HDAC9: variants seen among roughly 807,000 people sequenced by gnomAD.
HDAC9 encodes the protein histone deacetylase 9, also known as MEF-2 interacting transcription repressor (MITR) protein.
In HDAC9, 41 loss-of-function variants were observed where a neutral mutation model predicts 139.4. The ratio of observed to expected loss-of-function variants is 0.29; its 90% CI spans 0.23 to 0.38. HDAC9 has a LOEUF of 0.38. HDAC9 is among the 10% of genes least tolerant of loss of function. The pLI, the probability that HDAC9 is intolerant of heterozygous loss-of-function variation, is 1.00. For missense variants in HDAC9, 1,147 were observed against 1,297.0 expected (o/e 0.88, Z 1.78); for synonymous variants, 517 against 476.2 (o/e 1.09, Z -1.12).
chr7:18,893,819 A>T lies in HDAC9; in HGVS notation c.2803+19223A>T, dbSNP rs185656790. Among the ~76,000 whole-genome samples, 169 of 152,304 alleles carry T rather than the reference A, an allele frequency of 1.1e-3. 1 individual carries two copies. In the Middle Eastern group the frequency reaches 0.014, roughly 12 times the overall value. On this transcript the variant is annotated intron_variant, in intron 22 of 25. Coordinates refer to ENST00000686413, the MANE Select transcript of HDAC9 (RefSeq NM_178425.4). The stretch of plus-strand genomic sequence containing the variant: ...AGGGTGATCAGAAATGGCCTCACTT[A>T]TAAATGATGTTTGCCTGAAGAGCTG...
chr7:18,259,071 G>T (rs1022228520), intron 2 of HDAC9, among the ~76,000 whole-genome samples: 1 of 144,320 alleles, frequency 6.9e-6, no homozygotes, highest in African/African-American at 2.5e-5. Context: ...CTGGGTTCAA[G>T]CACTTCTCCT....
intron 25 of HDAC9, among the ~76,000 whole-genome samples, chr7:18,993,235 TC>T (rs138939235): frequency 0.029 from 4,395 of 149,928 alleles, 223 homozygotes; most frequent in African/African-American, 0.1. Context: ...ATATAAATAA[TC>T]CAGTTATTTT....
In HDAC9 at chr7:18,835,484, C is replaced by T. The variant is rs374625281; in HGVS notation, c.2484C>T (p.Asn828=). 8.7e-6 allele frequency: 14 copies of T among 1,613,200 alleles called. No homozygotes were observed. Among genetic ancestry groups the T allele is most frequent in the East Asian group, 2.2e-5 (1 of 44,850 alleles). Residue 828 remains asparagine (N), a synonymous_variant, in exon 20 of 26, where the codon AAC becomes AAT. Coordinates refer to ENST00000686413, the MANE Select transcript of HDAC9 (RefSeq NM_178425.4). The part of the protein sequence containing the change: ...LIVDLDVHHG[N]GTQQAFYADP... ...CCCTGTAGGATGTTCACCATGGAAA[C>T]GGTACCCAGCAGGCCTTTTATGCTG...
intron 1 of HDAC9, among the ~76,000 whole-genome samples, chr7:18,310,317 T>C (rs1227112813): frequency 6.6e-6 from 1 of 152,200 alleles, no homozygotes; most frequent in African/African-American, 2.4e-5. Flanking sequence ...GGGATAGATA[T>C]TTCTTTGGAG....
chr7:18,616,532 G>A (rs1305462015), intron 6 of HDAC9, among the ~76,000 whole-genome samples: 1 of 152,104 alleles, frequency 6.6e-6, no homozygotes, highest in African/African-American at 2.4e-5. Flanking sequence ...AGGTAATAGT[G>A]TTTCCTTATA....
intron 1 of HDAC9, among the ~76,000 whole-genome samples, chr7:18,128,520 T>C (rs1388400537): frequency 6.6e-6 from 1 of 152,046 alleles, no homozygotes; most frequent in Non-Finnish European, 1.5e-5. Flanking sequence ...CACATGAACC[T>C]TTCTCAGAAC....
intron 2 of HDAC9, among the ~76,000 whole-genome samples, chr7:18,529,898 C>T (rs1249953815): frequency 6.6e-6 from 1 of 152,002 alleles, no homozygotes; most frequent in Non-Finnish European, 1.5e-5. Context: ...TCTGCTTGTC[C>T]CATTACTTAT....
intron 1 of HDAC9, among the ~76,000 whole-genome samples, chr7:18,323,543 T>C (rs909724974): frequency 1.3e-5 from 2 of 152,108 alleles, no homozygotes; most frequent in Non-Finnish European, 2.9e-5. Flanking sequence ...TTTATAGACA[T>C]GCTGATGTCT....
chr7:18,904,067 C>T (rs943991550), intron 22 of HDAC9, among the ~76,000 whole-genome samples: 1 of 152,132 alleles, frequency 6.6e-6, no homozygotes, highest in Non-Finnish European at 1.5e-5. Flanking sequence ...CTGTCCTTCC[C>T]CAAACACCCA....
At chr7:18,705,941 T>C (rs1783874941) in intron 12 of HDAC9, among the ~76,000 whole-genome samples, 1 of 148,088 alleles carries the variant, frequency 6.8e-6, no homozygotes, top group Non-Finnish European at 1.5e-5. Flanking sequence ...AACAAGAACA[T>C]ATATTCAGGA....
chr7:18,316,290 C>T (rs1304099921), intron 1 of HDAC9, among the ~76,000 whole-genome samples: 1 of 152,080 alleles, frequency 6.6e-6, no homozygotes, highest in African/African-American at 2.4e-5. Context: ...TTAATAGGAG[C>T]TGTTAAAGTT....
At chr7:18,836,130 T>A in intron 21 of HDAC9, 133 bp downstream of exon 21, 1 of 554,088 alleles carries the variant, frequency 1.8e-6, no homozygotes, top group Non-Finnish European at 3.1e-6. Flanking sequence ...AGAATATGTA[T>A]AAGAAGAAAA....
At chr7:18,542,612 TAATC>T (rs1411258504) in intron 2 of HDAC9, among the ~76,000 whole-genome samples, 2 of 152,322 alleles carry the variant, frequency 1.3e-5, no homozygotes, top group Middle Eastern at 3.4e-3. Flanking sequence ...ACATCATTAA[TAATC>T]AAGAAAACAC....
chr7:18,521,495 A>C (rs1029538095), intron 2 of HDAC9, among the ~76,000 whole-genome samples: 9 of 152,188 alleles, frequency 5.9e-5, no homozygotes. Flanking sequence ...TTTGCACACC[A>C]TGAATAAAAT....
At chr7:18,860,488 G>A (rs1798024522) in intron 21 of HDAC9, among the ~76,000 whole-genome samples, 1 of 152,104 alleles carries the variant, frequency 6.6e-6, no homozygotes, top group South Asian at 2.1e-4. Context: ...AAACCATGAG[G>A]ATTATGTTAT....
intron 1 of HDAC9, among the ~76,000 whole-genome samples, chr7:18,420,363 A>G (rs10281407): frequency 0.048 from 7,306 of 152,230 alleles, 319 homozygotes; most frequent in East Asian, 0.19. Flanking sequence ...TCAAAGTTCA[A>G]TGTGCTCAGC....
intron 11 of HDAC9, among the ~76,000 whole-genome samples, chr7:18,652,113 G>A (rs980959665): frequency 6.6e-5 from 10 of 151,934 alleles, no homozygotes; most frequent in African/African-American, 2.4e-4. Flanking sequence ...GCTAATATAT[G>A]GTATTAATAT....
rs1783486926 is a variant in HDAC9 at position 18,701,502 on chromosome 7, G to A, written c.1732-26078G>A. Among the ~76,000 whole-genome samples, 3 of 151,210 alleles carry A rather than the reference G, an allele frequency of 2.0e-5. No homozygotes were observed. In the South Asian group the frequency reaches 6.3e-4, roughly 32 times the overall value. On this transcript the variant is annotated intron_variant, in intron 12 of 25. Transcript: ENST00000686413. ...TGGTTAGTCTTAACATGTATTTTCA[G>A]ATAAAGGCAATTTCCTAAAGATGAG... is the stretch of plus-strand genomic sequence containing the variant.
At chr7:18,315,011 C>T (rs547373802) in intron 1 of HDAC9, among the ~76,000 whole-genome samples, 1 of 152,050 alleles carries the variant, frequency 6.6e-6, no homozygotes. Context: ...AAAACCTTGG[C>T]AAGAGTACAT....
Sources: allele counts gnomAD v4.1 joint callset (sites outside exome capture counted in the v4.1 genomes callset), GRCh38; gene constraint gnomAD v4.1.1; transcripts MANE v1.5; gene names NCBI Gene and HGNC (gene_info 2026-07-23, HGNC 2026-07-21).